The following PTRHD1 variants were observed in gnomAD, a reference collection of about 807,000 sequenced individuals.
The protein encoded by PTRHD1 is peptidyl-tRNA hydrolase domain containing 1.
In PTRHD1, 12 loss-of-function variants were observed where a neutral mutation model predicts 13.6. That is an observed-to-expected ratio of 0.88 (90% CI 0.57 to 1.43). The LOEUF is 1.43. Ranked by LOEUF, PTRHD1 falls within the 40% of genes most tolerant of loss-of-function variation. The pLI is 0.00. For synonymous variants in PTRHD1, 86 were observed against 79.5 expected (o/e 1.08, Z -0.43); for missense variants, 203 against 184.7 (o/e 1.10, Z -0.57).
At chr2:24,790,633 C>G (rs1419977087) in intron 1 of PTRHD1, 52 bp from the exon 2 acceptor site, 1 of 1,541,862 alleles carries the variant, frequency 6.5e-7, no homozygotes, top group Non-Finnish European at 8.8e-7. Context: ...TAGGAAGTGT[C>G]AAAAGGCCAA....
chr2:24,790,215 C>A lies in PTRHD1; in HGVS notation c.*196G>T. On this transcript the variant is annotated 3_prime_UTR_variant, in exon 2 of 2. Transcript: ENST00000328379. Reference sequence around the variant, plus strand: ...TTCTATTTGAGCAATGATCCCCAGACAATACTGCTCTCCCACCTTCCCCAC... The same window carrying A: ...TTCTATTTGAGCAATGATCCCCAGAAAATACTGCTCTCCCACCTTCCCCAC... 1.7e-6 allele frequency: 1 copy of A among 589,000 alleles called. No individual in the cohort carries two copies. 36.5% of individuals were successfully genotyped at this position (589,000 alleles called of 1,614,324 possible). A position where few individuals can be genotyped will look rare whatever the true frequency, so the allele number is the denominator to read the frequency against.
At position 24,790,272 on chromosome 2, in the gene PTRHD1, A is replaced by T; in HGVS notation, c.*139T>A. ...TTATTAATAAGAGGAAGTAGTTATT[A>T]ATGACAACTTTAATATGAACATGTG... On this transcript the variant is annotated 3_prime_UTR_variant, in exon 2 of 2. Coordinates refer to ENST00000328379, the MANE Select transcript of PTRHD1 (RefSeq NM_001013663.2). 1 of 937,676 alleles carries T rather than the reference A, an allele frequency of 1.1e-6. No homozygotes were observed. Among genetic ancestry groups the T allele is most frequent in the Non-Finnish European group, 1.6e-6 (1 of 636,102 alleles). The allele number at this position is 937,676 out of a possible 1,614,324, so 58.1% of individuals were successfully genotyped here. A position where few individuals can be genotyped will look rare whatever the true frequency, so the allele number is the denominator to read the frequency against.
rs1439125373 is a variant in PTRHD1, at chr2:24,790,498, T to C, written c.336A>G (p.Pro112=). 4 of 1,614,058 alleles carry C rather than the reference T, an allele frequency of 2.5e-6. No homozygotes were observed. Among genetic ancestry groups the C allele is most frequent in the African/African-American group, 2.7e-5 (2 of 74,932 alleles). Residue 112 remains proline (P), a synonymous_variant, in exon 2 of 2, where the codon CCA becomes CCG. Transcript: ENST00000328379. ...GAGCAATACAAGTGGCGATATTCTC[T>C]GGTTGCTCAAGCCACAGCATGTGGT... is the stretch of plus-strand genomic sequence containing the variant. ...NIDHMLWLEQ[P]ENIATCIALR...
At chr2:24,792,883 C>T (rs1665668169) in intron 1 of PTRHD1, 4 of 589,152 alleles carry the variant, frequency 6.8e-6, no homozygotes, top group Admixed American at 3.1e-5. Context: ...GGCGGAACAG[C>T]GGGGACACAG....
At chr2:24,793,049 C>T in intron 1 of PTRHD1, 77 bp downstream of exon 1, 1 of 1,499,456 alleles carries the variant, frequency 6.7e-7, no homozygotes, top group Non-Finnish European at 9.0e-7. Context: ...TCCCCGCAGC[C>T]AGGCCTTCGG....
intron 1 of PTRHD1, chr2:24,792,842 G>C: frequency 1.9e-6 from 1 of 530,544 alleles, no homozygotes; most frequent in South Asian, 2.4e-5. Flanking sequence ...AGCACTTTGG[G>C]GCATGGCTTT....
chr2:24,790,459 G>C lies in PTRHD1; in HGVS notation c.375C>G (p.Pro125=), dbSNP rs1399780584. 1 of 1,614,156 alleles carries C rather than the reference G, an allele frequency of 6.2e-7. No individual in the cohort carries two copies. The highest frequency in any genetic ancestry group is 8.5e-7 in the Non-Finnish European group (1 of 1,180,026). The change falls in exon 2 of 2, where the codon CCC becomes CCG. Residue 125 remains proline, a synonymous_variant. Transcript: ENST00000328379. ...TCAAATACTGGCCCACTTCTTCCTT[G>C]GGGTAGGGCCGGAGAGCAATACAAG... ...IATCIALRPY[P]KEEVGQYLKK... is the part of the protein sequence containing the mutation.
At chr2:24,791,036 T>C (rs1665612053) in intron 1 of PTRHD1, among the ~76,000 whole-genome samples, 1 of 151,710 alleles carries the variant, frequency 6.6e-6, no homozygotes, top group Non-Finnish European at 1.5e-5. Context: ...GCAATTCTCC[T>C]GCCTCAGCCT....
In PTRHD1 at chr2:24,790,553, A is replaced by T. The variant is rs1215371895; in HGVS notation, c.281T>A (p.Leu94Gln). 2 of 1,614,080 alleles carry T rather than the reference A, an allele frequency of 1.2e-6. No homozygotes were observed. Among genetic ancestry groups the T allele is most frequent in the East Asian group, 4.5e-5 (2 of 44,888 alleles). ...EAPDETTLKE[L>Q]AETLQQKNID... ...GTTCTTCTGTTGCAGGGTCTCGGCC[A>T]GCTCCTTTAGGGTGGTCTCATCTGG... The change falls in exon 2 of 2, where the codon CTG becomes CAG. Residue 94 changes from leucine to glutamine, a missense_variant. By Grantham distance (113) the Leu-to-Gln change is moderately radical. Transcript: ENST00000328379.
intron 1 of PTRHD1, 86 bp from the exon 2 acceptor site, chr2:24,790,667 C>A (rs2148719540): frequency 7.9e-7 from 1 of 1,268,688 alleles, no homozygotes; most frequent in Non-Finnish European, 1.1e-6. Flanking sequence ...AGTCCTCTTG[C>A]CTGAAAGTGG....
chr2:24,790,201 C>T lies in PTRHD1; in HGVS notation c.*210G>A, dbSNP rs1446660362. ...AGTCTAACCAAATCTTCTATTTGAG[C>T]AATGATCCCCAGACAATACTGCTCT... On this transcript the variant is annotated 3_prime_UTR_variant, in exon 2 of 2. Coordinates refer to ENST00000328379, the MANE Select transcript of PTRHD1 (RefSeq NM_001013663.2). 4.7e-5 allele frequency: 24 copies of T among 514,810 alleles called. No individual in the cohort carries two copies. Among genetic ancestry groups the T allele is most frequent in the Non-Finnish European group, 3.3e-6 (1 of 300,280 alleles). 31.9% of individuals were successfully genotyped at this position (514,810 alleles called of 1,614,324 possible).
intron 1 of PTRHD1, chr2:24,791,655 T>A (rs553093227): frequency 2.1e-4 from 32 of 152,260 alleles, no homozygotes; most frequent in African/African-American, 7.7e-4. Flanking sequence ...CAGAGCATAG[T>A]GAGATACAGT....
At chr2:24,790,987 G>C (rs1380472302) in intron 1 of PTRHD1, among the ~76,000 whole-genome samples, 1 of 151,024 alleles carries the variant, frequency 6.6e-6, no homozygotes, top group Admixed American at 6.6e-5. Context: ...GCAGTGGCAC[G>C]ATTATCAGCT....
At chr2:24,792,953 C>T in intron 1 of PTRHD1, 173 bp downstream of exon 1, 1 of 758,614 alleles carries the variant, frequency 1.3e-6, no homozygotes, top group Admixed American at 2.8e-5. Context: ...ACTCTTCACA[C>T]AGTCAGGCCC....
At chr2:24,792,074 G>T (rs765687858) in intron 1 of PTRHD1, among the ~76,000 whole-genome samples, 6 of 152,188 alleles carry the variant, frequency 3.9e-5, no homozygotes, top group Non-Finnish European at 8.8e-5. Flanking sequence ...TTACTAGGAA[G>T]AAAATCTAAG....
intron 1 of PTRHD1, 122 bp from the exon 2 acceptor site, chr2:24,790,703 C>G: frequency 1.2e-6 from 1 of 820,640 alleles, no homozygotes; most frequent in Non-Finnish European, 1.9e-6. Context: ...AAGGAGGGAG[C>G]TGCAGAGCAA....
At chr2:24,792,122 C>T (rs1268946976) in intron 1 of PTRHD1, among the ~76,000 whole-genome samples, 1 of 152,216 alleles carries the variant, frequency 6.6e-6, no homozygotes, top group Non-Finnish European at 1.5e-5. Flanking sequence ...TACACAGATT[C>T]TCAAGGCATT....
rs570421648 is a variant in PTRHD1 at position 24,790,385 on chromosome 2, C to T, written c.*26G>A. The T allele has an allele frequency of 4.4e-6, 7 of 1,601,826 alleles. No individual in the cohort carries two copies. In the African/African-American group the frequency reaches 6.7e-5, roughly 15 times the overall value. The stretch of plus-strand genomic sequence containing the variant: ...ATGATGCTTTGGAATGGGTGGCCTG[C>T]GTATTCAAACACATCAAAGCAGCAG... On this transcript the variant is annotated 3_prime_UTR_variant, in exon 2 of 2. Coordinates refer to ENST00000328379, the MANE Select transcript of PTRHD1 (RefSeq NM_001013663.2).
In PTRHD1 at chr2:24,793,232, G is replaced by C. The variant is rs771247103; in HGVS notation, c.146C>G (p.Ala49Gly). ...PFSWPAGALV[A>G]QACHAATAAL... ...CGCGGTGGCCGCGTGACAAGCCTGC[G>C]CTACCAGTGCGCCCGCCGGCCAGGA... Residue 49 changes from alanine to glycine, a missense_variant, in exon 1 of 2, where the codon GCG becomes GGG. Coordinates refer to ENST00000328379, the MANE Select transcript of PTRHD1 (RefSeq NM_001013663.2). 3.1e-6 allele frequency: 5 copies of C among 1,613,434 alleles called. No homozygotes were observed. The highest frequency in any genetic ancestry group is 3.3e-5 in the Admixed American group (2 of 60,032).
Sources: allele counts gnomAD v4.1 joint callset (sites outside exome capture counted in the v4.1 genomes callset), GRCh38; gene constraint gnomAD v4.1.1; transcripts MANE v1.5; gene names NCBI Gene and HGNC (gene_info 2026-07-23, HGNC 2026-07-21).